The following IRAK2 variants were observed in gnomAD, a reference collection of about 807,000 sequenced individuals.
The protein encoded by IRAK2 is interleukin 1 receptor associated kinase 2.
Under a neutral mutation model 72.0 loss-of-function variants are expected in IRAK2, and 57 were observed. The observed-to-expected ratio is 0.79, with a 90% CI of 0.64 to 0.99. IRAK2 has a LOEUF of 0.99. IRAK2 is among the 50% of genes least tolerant of loss of function. The probability of loss-of-function intolerance (pLI) is 0.00; values close to 1 mark genes in which losing one functional copy is unlikely to be tolerated. For synonymous variants in IRAK2, 293 were observed against 312.7 expected (o/e 0.94, Z 0.67); for missense variants, 790 against 794.4 (o/e 0.99, Z 0.07).
rs771089899 is a variant in IRAK2 at position 10,174,932 on chromosome 3, C to CAAAAAAAAAAAAAAA, written c.95-2895_95-2894insAAAAAAAAAAAAAAA. ...CAGGCACAGTGGTTCATGCCTGTAC[C>CAAAAAAAAAAAAAAA]AAAAAAAAAAATTAGCCAGGAATGG... On this transcript the variant is annotated intron_variant, in intron 1 of 12. Transcript: ENST00000256458. Among the ~76,000 whole-genome samples, 344 of 143,160 alleles carry CAAAAAAAAAAAAAAA rather than the reference C, an allele frequency of 2.4e-3. 4 individuals are homozygous for CAAAAAAAAAAAAAAA. Among genetic ancestry groups the CAAAAAAAAAAAAAAA allele is most frequent in the African/African-American group, 8.6e-3 (323 of 37,618 alleles). The allele number at this position is 143,160 out of a possible 152,430, so 93.9% of individuals were successfully genotyped here.
At chr3:10,191,022 C>T (rs1327897762) in intron 2 of IRAK2, among the ~76,000 whole-genome samples, 13 of 152,034 alleles carry the variant, frequency 8.6e-5, no homozygotes, top group African/African-American at 1.4e-4. Flanking sequence ...AGGCCGGGCG[C>T]GGTGGCTCAA....
chr3:10,242,463 G>A lies in IRAK2; in HGVS notation c.*235G>A. The A allele has an allele frequency of 3.2e-6, 1 of 317,032 alleles. No individual in the cohort carries two copies. 19.6% of individuals were successfully genotyped at this position (317,032 alleles called of 1,614,324 possible). On this transcript the variant is annotated 3_prime_UTR_variant, in exon 13 of 13. Transcript: ENST00000256458. ...TCCTTTCTGGGCTTTGTTAGTCAGA[G>A]CAGGGGATCAGAGGAGACTGAAGCA...
intron 12 of IRAK2, among the ~76,000 whole-genome samples, chr3:10,241,284 G>T (rs1698055594): frequency 6.6e-6 from 1 of 151,952 alleles, no homozygotes; most frequent in Non-Finnish European, 1.5e-5. Flanking sequence ...GGCCAGCCAG[G>T]CATGGTGACT....
At chr3:10,203,941 C>G (rs996048020) in intron 3 of IRAK2, among the ~76,000 whole-genome samples, 1 of 152,144 alleles carries the variant, frequency 6.6e-6, no homozygotes. Context: ...AATATGTGAG[C>G]AGAGGAGCCA....
chr3:10,199,532 G>A (rs151304709), intron 2 of IRAK2, among the ~76,000 whole-genome samples: 34 of 152,306 alleles, frequency 2.2e-4, no homozygotes, highest in Non-Finnish European at 4.1e-4. Context: ...AAGTGGGAAG[G>A]ATGCGTTTGT....
intron 2 of IRAK2, among the ~76,000 whole-genome samples, chr3:10,179,145 C>T (rs1368392105): frequency 1.3e-5 from 2 of 152,092 alleles, no homozygotes; most frequent in East Asian, 1.9e-4. Flanking sequence ...TTTCACCTAG[C>T]AAAGACCTTG....
intron 2 of IRAK2, among the ~76,000 whole-genome samples, chr3:10,196,936 A>G (rs1358538298): frequency 6.6e-6 from 1 of 152,168 alleles, no homozygotes; most frequent in Non-Finnish European, 1.5e-5. Context: ...TACTCACACT[A>G]GCTTGGAAGA....
intron 6 of IRAK2, among the ~76,000 whole-genome samples, chr3:10,214,171 T>C (rs1048452510): frequency 6.6e-6 from 1 of 151,952 alleles, no homozygotes; most frequent in Non-Finnish European, 1.5e-5. Context: ...TCAAGTGATC[T>C]TTCTGCTTTG....
At chr3:10,240,548 C>A (rs1391992826) in intron 12 of IRAK2, among the ~76,000 whole-genome samples, 3 of 21,258 alleles carry the variant, frequency 1.4e-4, no homozygotes, top group Admixed American at 4.4e-4. Flanking sequence ...CCCCCCCCCC[C>A]CCCCCCCGCC....
At chr3:10,168,852 C>G (rs182784588) in intron 1 of IRAK2, among the ~76,000 whole-genome samples, 32 of 152,188 alleles carry the variant, frequency 2.1e-4, no homozygotes, top group Non-Finnish European at 3.5e-4. Context: ...CTGCCTGGGA[C>G]GTTCTTCCCC....
chr3:10,216,212 A>G (rs1697602819), intron 6 of IRAK2, among the ~76,000 whole-genome samples: 2 of 152,292 alleles, frequency 1.3e-5, no homozygotes, highest in South Asian at 4.1e-4. Flanking sequence ...ACGGGAGATA[A>G]GAAGGTTTCT....
chr3:10,230,652 C>G (rs567778406), intron 10 of IRAK2, among the ~76,000 whole-genome samples: 10 of 152,322 alleles, frequency 6.6e-5, no homozygotes, highest in Non-Finnish European at 1.2e-4. Flanking sequence ...TCACTGTAAC[C>G]TTGTACCCCT....
chr3:10,230,325 G>A (rs1440821733), intron 10 of IRAK2, among the ~76,000 whole-genome samples: 1 of 151,292 alleles, frequency 6.6e-6, no homozygotes, highest in African/African-American at 2.4e-5. Flanking sequence ...ATCATTTTTG[G>A]AGATAGGGTC....
chr3:10,220,951 A>G (rs1258418903), intron 8 of IRAK2, among the ~76,000 whole-genome samples: 1 of 152,028 alleles, frequency 6.6e-6, no homozygotes, highest in Non-Finnish European at 1.5e-5. Context: ...CTTCATTTAA[A>G]CATAGTAAAC....
At chr3:10,237,170 T>C (rs955209086) in intron 11 of IRAK2, among the ~76,000 whole-genome samples, 3 of 152,262 alleles carry the variant, frequency 2.0e-5, no homozygotes, top group Non-Finnish European at 2.9e-5. Context: ...ATGCGGTCTT[T>C]AGATTGGCAA....
chr3:10,209,818 C>T, intron 4 of IRAK2, 126 bp downstream of exon 4: 1 of 489,048 alleles, frequency 2.0e-6, no homozygotes, highest in Non-Finnish European at 3.5e-6. Context: ...AAATTGCCAT[C>T]AAATTACCCC....
In IRAK2 at chr3:10,219,710, C is replaced by A. The variant is rs139476001; in HGVS notation, c.934C>A (p.Arg312Ser). The A allele has an allele frequency of 4.3e-6, 7 of 1,613,348 alleles. No homozygotes were observed. Among genetic ancestry groups the A allele is most frequent in the Non-Finnish European group, 5.9e-6 (7 of 1,179,654 alleles). The change falls in exon 8 of 13, where the codon CGT becomes AGT. Residue 312 changes from arginine to serine, a missense_variant. Arg to Ser is a moderately radical substitution (Grantham distance 110). Coordinates refer to ENST00000256458, the MANE Select transcript of IRAK2 (RefSeq NM_001570.4). ...CTCGGACCCCCTCCCCTGGCCCCAGCGTGTCAGCATCTGCTCAGGGCTGCT... is the reference window on the plus strand; with the variant it reads ...CTCGGACCCCCTCCCCTGGCCCCAGAGTGTCAGCATCTGCTCAGGGCTGCT... Reference protein sequence around the residue: ...GGSDPLPWPQRVSICSGLLCA... With the variant: ...GGSDPLPWPQSVSICSGLLCA...
At chr3:10,166,770 G>A (rs1030859885) in intron 1 of IRAK2, among the ~76,000 whole-genome samples, 26 of 152,044 alleles carry the variant, frequency 1.7e-4, no homozygotes, top group African/African-American at 5.1e-4. Context: ...TCAGCCTCCC[G>A]AGTAGCTGGG....
intron 1 of IRAK2, among the ~76,000 whole-genome samples, chr3:10,171,094 G>T (rs980751118): frequency 1.3e-5 from 2 of 152,220 alleles, no homozygotes; most frequent in Non-Finnish European, 2.9e-5. Flanking sequence ...GCCACGCCTA[G>T]TTCTTGTCTC....
Sources: gnomAD v4.1 joint callset for allele counts (sites outside exome capture counted in the v4.1 genomes callset) on GRCh38, gnomAD v4.1.1 for gene constraint, MANE v1.5 for transcripts, NCBI Gene and HGNC (gene_info 2026-07-23, HGNC 2026-07-21) for gene names.